Variants in CUX1 observed in about 807,000 individuals in gnomAD.
The protein encoded by CUX1 is cut like homeobox 1, also known as protein CASP.
In CUX1, 31 loss-of-function variants were observed where a neutral mutation model predicts 158.8. That is an observed-to-expected ratio of 0.20 (90% CI 0.15 to 0.26). The LOEUF is 0.26. Ranked by LOEUF, CUX1 falls within the 10% of genes least tolerant of loss-of-function variation. CUX1 has a pLI of 1.00. For missense variants in CUX1, 1,589 were observed against 2,014.6 expected (o/e 0.79, Z 4.04); for synonymous variants, 879 against 862.1 (o/e 1.02, Z -0.34).
intron 9 of CUX1, 82 bp downstream of exon 9, chr7:102,158,690 T>C: frequency 7.4e-7 from 1 of 1,344,742 alleles, no homozygotes; most frequent in Non-Finnish European, 1.1e-6. Flanking sequence ...TCACCCGAAG[T>C]TAGAAGGCCG....
At chr7:102,029,412 G>A (rs1174120700) in intron 3 of CUX1, among the ~76,000 whole-genome samples, 1 of 152,148 alleles carries the variant, frequency 6.6e-6, no homozygotes, top group Non-Finnish European at 1.5e-5. Flanking sequence ...TTCCTCTTGG[G>A]ACACAGGTGA....
At chr7:102,119,117 A>C (rs1030839935) in intron 8 of CUX1, among the ~76,000 whole-genome samples, 1 of 152,326 alleles carries the variant, frequency 6.6e-6, no homozygotes, top group African/African-American at 2.4e-5. Context: ...TGAGAGTCTG[A>C]GGCTAAGCTG....
intron 2 of CUX1, among the ~76,000 whole-genome samples, chr7:101,958,978 C>G (rs1184925048): frequency 1.3e-5 from 2 of 150,742 alleles, no homozygotes; most frequent in Non-Finnish European, 3.0e-5. Flanking sequence ...CCTCAGCCCT[C>G]CTAAGTAGCT....
chr7:101,988,103 T>G (rs113784736), intron 2 of CUX1, among the ~76,000 whole-genome samples: 6 of 152,216 alleles, frequency 3.9e-5, no homozygotes, highest in African/African-American at 1.4e-4. Flanking sequence ...TCCCAGCTAC[T>G]TGGGAGACTG....
At chr7:101,975,482 A>G (rs59664309) in intron 2 of CUX1, among the ~76,000 whole-genome samples, 1 of 151,900 alleles carries the variant, frequency 6.6e-6, no homozygotes, top group Non-Finnish European at 1.5e-5. Context: ...ACTTGAGCCC[A>G]GGAGTTCGAG....
intron 2 of CUX1, among the ~76,000 whole-genome samples, chr7:101,980,097 G>A (rs796738481): frequency 5.9e-5 from 9 of 152,320 alleles, no homozygotes; most frequent in African/African-American, 1.4e-4. Context: ...AGCCAGCACC[G>A]GGCTTAGGGA....
At chr7:102,135,223 C>T (rs1278965893) in intron 8 of CUX1, among the ~76,000 whole-genome samples, 4 of 151,826 alleles carry the variant, frequency 2.6e-5, no homozygotes, top group Admixed American at 2.0e-4. Context: ...CATGAAGTGC[C>T]GATTAAGATG....
intron 2 of CUX1, among the ~76,000 whole-genome samples, chr7:102,015,148 C>T (rs146752111): frequency 9.9e-5 from 15 of 152,236 alleles, no homozygotes; most frequent in Non-Finnish European, 1.5e-4. Flanking sequence ...TGCACACAAG[C>T]GATGAATAAA....
At chr7:102,132,336 A>ACACG (rs1554497567) in intron 8 of CUX1, among the ~76,000 whole-genome samples, 46 of 151,184 alleles carry the variant, frequency 3.0e-4, no homozygotes, top group African/African-American at 1.1e-3. Flanking sequence ...CGCCACGCAC[A>ACACG]CACGCATCTT....
intron 1 of CUX1, among the ~76,000 whole-genome samples, chr7:101,875,634 A>T (rs1033632639): frequency 3.0e-4 from 45 of 152,110 alleles, no homozygotes; most frequent in African/African-American, 1.1e-3. Context: ...CTTTCACAGG[A>T]GGACACCTCA....
intron 2 of CUX1, among the ~76,000 whole-genome samples, chr7:101,963,261 T>TC (rs1810731907): frequency 6.6e-6 from 1 of 152,116 alleles, no homozygotes; most frequent in Non-Finnish European, 1.5e-5. Flanking sequence ...TCGCCTGTCC[T>TC]CCCCCTCACT....
intron 4 of CUX1, among the ~76,000 whole-genome samples, chr7:102,081,912 C>T (rs1213520708): frequency 2.0e-5 from 3 of 146,900 alleles, no homozygotes; most frequent in African/African-American, 4.9e-5. Context: ...AGGCATGAGC[C>T]ACCATGCCTG....
chr7:102,033,813 A>G (rs2129344990), intron 3 of CUX1, among the ~76,000 whole-genome samples: 1 of 152,278 alleles, frequency 6.6e-6, no homozygotes, highest in South Asian at 2.1e-4. Context: ...CCTTGATACC[A>G]AAACAAGACA....
intron 8 of CUX1, among the ~76,000 whole-genome samples, chr7:102,126,573 G>A (rs996843289): frequency 6.6e-6 from 1 of 152,000 alleles, no homozygotes; most frequent in South Asian, 2.1e-4. Context: ...AGTCTAAAAT[G>A]TGTTTAGCAC....
intron 9 of CUX1, among the ~76,000 whole-genome samples, chr7:102,169,541 A>G (rs183199915): frequency 2.0e-5 from 3 of 152,294 alleles, no homozygotes; most frequent in Admixed American, 2.0e-4. Flanking sequence ...CCATTCACAA[A>G]CGACCTCTGC....
intron 5 of CUX1, among the ~76,000 whole-genome samples, chr7:102,097,930 T>A (rs1829369813): frequency 6.6e-6 from 1 of 152,254 alleles, no homozygotes; most frequent in African/African-American, 2.4e-5. Flanking sequence ...AAAGGCTGCA[T>A]GCTTAAGCCC....
Position 102,256,933 on chromosome 7 carries a change from G to T in CUX1, c.*7891G>T. The T allele has an allele frequency of 1.0e-6, 1 of 985,452 alleles. No individual in the cohort carries two copies. Among genetic ancestry groups the T allele is most frequent in the Non-Finnish European group, 1.2e-6 (1 of 829,968 alleles). The allele number at this position is 985,452 out of a possible 1,614,324, so 61.0% of individuals were successfully genotyped here. ...TCTTTCAAAGCAACAGTGTTTTGTA[G>T]TACCAGGCTGTGGCTTGAGGGCTCA... On this transcript the variant is annotated 3_prime_UTR_variant, in exon 24 of 24. Coordinates refer to ENST00000292535, the MANE Select transcript of CUX1 (RefSeq NM_181552.4).
At chr7:101,982,415 C>A (rs958507001) in intron 2 of CUX1, among the ~76,000 whole-genome samples, 2 of 149,626 alleles carry the variant, frequency 1.3e-5, no homozygotes, top group Non-Finnish European at 3.0e-5. Flanking sequence ...TTTTAAATTT[C>A]TTTTTTTTTT....
chr7:102,199,950 A>G, intron 16 of CUX1, 121 bp from the exon 17 acceptor site: 3 of 718,748 alleles, frequency 4.2e-6, no homozygotes, highest in Non-Finnish European at 6.8e-6. Context: ...GGGAGGCCAC[A>G]TCTGCCTCCT....
Sources: allele counts gnomAD v4.1 joint callset (sites outside exome capture counted in the v4.1 genomes callset), GRCh38; gene constraint gnomAD v4.1.1; transcripts MANE v1.5; gene names NCBI Gene and HGNC (gene_info 2026-07-23, HGNC 2026-07-21).